ASAP1: variants seen among roughly 807,000 people sequenced by gnomAD.
ASAP1 encodes the protein arf-GAP with SH3 domain, ANK repeat and PH domain-containing protein 1.
In ASAP1, 43 loss-of-function variants were observed where a neutral mutation model predicts 145.2. The ratio of observed to expected loss-of-function variants is 0.30; its 90% CI spans 0.23 to 0.38. The LOEUF (loss-of-function observed/expected upper bound fraction) is 0.38. Among genes scored for constraint, ASAP1 ranks in the 10% least tolerant of loss-of-function variants. The pLI is 1.00. For missense variants in ASAP1, 1,018 were observed against 1,355.3 expected (o/e 0.75, Z 3.91); for synonymous variants, 546 against 515.5 (o/e 1.06, Z -0.80).
chr8:130,382,254 C>T (rs967286074), intron 2 of ASAP1, among the ~76,000 whole-genome samples: 2 of 137,360 alleles, frequency 1.5e-5, no homozygotes, highest in African/African-American at 5.5e-5. Context: ...CCACTGCACT[C>T]CAGCATGAGT....
chr8:130,061,195 T>G, intron 27 of ASAP1, 126 bp from the exon 28 acceptor site: 1 of 1,196,796 alleles, frequency 8.4e-7, no homozygotes, highest in East Asian at 2.6e-5. Flanking sequence ...ATGGATGAAC[T>G]CAGGGGCCAG....
intron 2 of ASAP1, among the ~76,000 whole-genome samples, chr8:130,388,820 T>G (rs1828141640): frequency 6.6e-6 from 1 of 152,128 alleles, no homozygotes; most frequent in Non-Finnish European, 1.5e-5. Flanking sequence ...GAAAGGATCA[T>G]CTTAACAGGC....
chr8:130,129,720 T>C (rs1454890334), intron 15 of ASAP1, among the ~76,000 whole-genome samples: 1 of 152,156 alleles, frequency 6.6e-6, no homozygotes, highest in Non-Finnish European at 1.5e-5. Context: ...TTTTGGAGTA[T>C]GTGAACTATG....
rs563334339 is a variant in ASAP1 at position 130,359,130 on chromosome 8, T to C, written c.60-987A>G. Among the ~76,000 whole-genome samples, 29 of 152,266 alleles carry C rather than the reference T, an allele frequency of 1.9e-4. No individual in the cohort carries two copies. The South Asian group carries it at 5.8e-3, about 30-fold the overall frequency. The stretch of plus-strand genomic sequence containing the variant: ...ACAGGCTGGTTTTGTGCAGTTGCCT[T>C]AGGTCGCTACAATGCAGCGTGAAGA... On this transcript the variant is annotated intron_variant, in intron 2 of 29. Transcript: ENST00000518721.
intron 3 of ASAP1, among the ~76,000 whole-genome samples, chr8:130,342,628 G>A (rs969905533): frequency 3.3e-5 from 5 of 152,126 alleles, no homozygotes; most frequent in Admixed American, 1.3e-4. Context: ...AAACAAAAGC[G>A]GCTGTTACAA....
chr8:130,294,589 T>C (rs192747485), intron 3 of ASAP1, among the ~76,000 whole-genome samples: 17 of 152,340 alleles, frequency 1.1e-4, no homozygotes, highest in African/African-American at 3.4e-4. Context: ...ACATCTAAAG[T>C]ATGTTTAAGT....
chr8:130,184,450 T>G (rs922539807), intron 7 of ASAP1, among the ~76,000 whole-genome samples: 1 of 152,220 alleles, frequency 6.6e-6, no homozygotes, highest in East Asian at 1.9e-4. Context: ...CCACTGTGTT[T>G]CCATTAGAAG....
In ASAP1 at chr8:130,054,712, C is replaced by A. The variant is rs3758027; in HGVS notation, c.*19G>T. ...GTCTTGCATGAAGGATGTGGACAAT[C>A]TTAAGGTTCTGCGTTTTGCTAGTCA... On this transcript the variant is annotated 3_prime_UTR_variant, in exon 30 of 30. Transcript: ENST00000518721. 833 of 1,608,052 alleles carry A rather than the reference C, an allele frequency of 5.2e-4. 13 individuals carry two copies. The East Asian group carries it at 0.018, about 35-fold the overall frequency.
chr8:130,348,501 A>C (rs72724453), intron 3 of ASAP1, among the ~76,000 whole-genome samples: 5,279 of 152,258 alleles, frequency 0.035, 125 homozygotes, highest in Middle Eastern at 0.065. Flanking sequence ...CACAAACAGC[A>C]CCATGACAGA....
At chr8:130,068,156 C>A (rs1020466522) in intron 27 of ASAP1, among the ~76,000 whole-genome samples, 1 of 152,142 alleles carries the variant, frequency 6.6e-6, no homozygotes, top group African/African-American at 2.4e-5. Context: ...AGTTGGGGCA[C>A]TGGATGCATA....
intron 24 of ASAP1, among the ~76,000 whole-genome samples, chr8:130,092,405 T>C (rs570064711): frequency 8.5e-5 from 13 of 152,132 alleles, no homozygotes; most frequent in African/African-American, 2.7e-4. Flanking sequence ...GGTGGGAGGA[T>C]TGCTTGAGGC....
intron 15 of ASAP1, 49 bp from the exon 16 acceptor site, chr8:130,128,139 ATTTTTTTTTTTTT>A (rs745416119): frequency 2.5e-4 from 44 of 179,490 alleles, no homozygotes; most frequent in Middle Eastern, 2.8e-3. Flanking sequence ...GAGCATGGTC[ATTTTTTTTTTTTT>A]TTTTTTTTTT....
At chr8:130,336,693 CA>C (rs1825057169) in intron 3 of ASAP1, among the ~76,000 whole-genome samples, 2 of 152,230 alleles carry the variant, frequency 1.3e-5, no homozygotes, top group East Asian at 3.9e-4. Flanking sequence ...TAAAGCCAAC[CA>C]GGGGGAAAAA....
intron 3 of ASAP1, among the ~76,000 whole-genome samples, chr8:130,292,624 A>C (rs1014225878): frequency 1.3e-5 from 2 of 152,180 alleles, no homozygotes; most frequent in Admixed American, 1.3e-4. Context: ...ATTATTCTCT[A>C]CTATAATTGT....
chr8:130,236,879 ATTAT>A (rs1565121499), intron 4 of ASAP1, 39 bp downstream of exon 4: 12 of 1,354,932 alleles, frequency 8.9e-6, no homozygotes, highest in East Asian at 2.3e-5. Flanking sequence ...CTCTGTAGAC[ATTAT>A]TTATAATTCA....
intron 5 of ASAP1, among the ~76,000 whole-genome samples, chr8:130,209,739 T>C (rs926267616): frequency 3.9e-5 from 6 of 152,200 alleles, no homozygotes; most frequent in African/African-American, 7.2e-5. Flanking sequence ...AAAGTACTTA[T>C]GTAATTTTTT....
chr8:130,105,206 T>C (rs533789727), intron 24 of ASAP1, among the ~76,000 whole-genome samples: 1 of 152,210 alleles, frequency 6.6e-6, no homozygotes, highest in Admixed American at 6.5e-5. Flanking sequence ...CAATAAAAAA[T>C]AACAATCCAA....
chr8:130,169,566 A>C (rs987750026), intron 9 of ASAP1, among the ~76,000 whole-genome samples: 2 of 152,256 alleles, frequency 1.3e-5, no homozygotes, highest in African/African-American at 4.8e-5. Context: ...GTTCCAACAT[A>C]TATTTGAAAC....
At chr8:130,320,115 T>C (rs568557506) in intron 3 of ASAP1, among the ~76,000 whole-genome samples, 1 of 152,246 alleles carries the variant, frequency 6.6e-6, no homozygotes, top group Non-Finnish European at 1.5e-5. Flanking sequence ...CTTTAAAAAA[T>C]AAAATAAAAA....
Sources: allele counts gnomAD v4.1 joint callset (sites outside exome capture counted in the v4.1 genomes callset), GRCh38; gene constraint gnomAD v4.1.1; transcripts MANE v1.5; gene names NCBI Gene and HGNC (gene_info 2026-07-23, HGNC 2026-07-21).